MYO16: variants seen among roughly 807,000 people sequenced by gnomAD.
MYO16 encodes the protein unconventional myosin-XVI.
A neutral mutation model predicts 205.3 loss-of-function variants in MYO16; 94 were observed. The observed-to-expected ratio is 0.46, with a 90% CI of 0.39 to 0.54. MYO16 has a LOEUF of 0.54. Ranked by LOEUF, MYO16 falls within the 20% of genes least tolerant of loss-of-function variation. MYO16 has a pLI of 0.00. For missense variants in MYO16, 2,315 were observed against 2,387.5 expected (o/e 0.97, Z 0.63); for synonymous variants, 988 against 954.0 (o/e 1.04, Z -0.66).
chr13:108,572,838 G>GT, the MYO16 span, among the ~76,000 whole-genome samples: 1,554 of 152,256 alleles, frequency 0.01, 17 homozygotes, highest in African/African-American at 0.032. Context: ...TTGTTAACAA[G>GT]TTTTTGCTGT....
Position 108,652,741 on chromosome 13 carries a change from G to C in MYO16, c.29-13145G>C, listed in dbSNP as rs527937263. 3.3e-5 allele frequency among the ~76,000 whole-genome samples: 5 copies of C among 152,274 alleles called. No homozygotes were observed. The East Asian group carries it at 9.6e-4, about 29-fold the overall frequency. On this transcript the variant is annotated intron_variant, in intron 1 of 34. Coordinates refer to ENST00000457511, the MANE Select transcript of MYO16 (RefSeq NM_001198950.3). Reference sequence around the variant, plus strand: ...GGCATGTACAAGAACCTCTTCCACTGTAGGCTGAATAATATTCCATTATAC... The same window carrying C: ...GGCATGTACAAGAACCTCTTCCACTCTAGGCTGAATAATATTCCATTATAC...
chr13:108,793,385 T>A, intron 5 of MYO16, 131 bp from the exon 6 acceptor site: 1 of 724,600 alleles, frequency 1.4e-6, no homozygotes, highest in African/African-American at 1.9e-5. Flanking sequence ...ATTCTTTGAA[T>A]GAGTGTTCAA....
chr13:108,572,569 G>A, the MYO16 span, among the ~76,000 whole-genome samples: 2 of 152,158 alleles, frequency 1.3e-5, no homozygotes, highest in East Asian at 3.9e-4. Context: ...TCACAGTCTA[G>A]GAAGACAGTG....
intron 2 of MYO16, among the ~76,000 whole-genome samples, chr13:108,707,253 T>A (rs1030280818): frequency 6.6e-6 from 1 of 152,140 alleles, no homozygotes; most frequent in Non-Finnish European, 1.5e-5. Flanking sequence ...TGGCTGTCTA[T>A]GCTTCTCAGT....
intron 14 of MYO16, among the ~76,000 whole-genome samples, chr13:108,896,052 CCTT>C (rs1433687521): frequency 3.9e-5 from 6 of 152,082 alleles, no homozygotes; most frequent in Admixed American, 3.9e-4. Context: ...GGGGGTAGCT[CCTT>C]CTCACTCCCA....
At chr13:108,703,960 G>A (rs895241811) in intron 2 of MYO16, among the ~76,000 whole-genome samples, 1 of 152,140 alleles carries the variant, frequency 6.6e-6, no homozygotes, top group Admixed American at 6.5e-5. Context: ...GGTGTTTTAA[G>A]AAGAACAAGT....
intron 9 of MYO16, among the ~76,000 whole-genome samples, chr13:108,833,074 C>T (rs1477312265): frequency 6.6e-6 from 1 of 152,034 alleles, no homozygotes; most frequent in Admixed American, 6.6e-5. Context: ...CTAAATTATA[C>T]TTAATTTCCA....
the MYO16 span, among the ~76,000 whole-genome samples, chr13:108,524,369 C>T: frequency 6.6e-6 from 1 of 152,008 alleles, no homozygotes; most frequent in African/African-American, 2.4e-5. Flanking sequence ...CCCTGACTCT[C>T]TCCCTCTCTC....
Position 109,206,953 on chromosome 13 carries a change from A to G in MYO16, c.*117A>G. On this transcript the variant is annotated 3_prime_UTR_variant, in exon 35 of 35. Coordinates refer to ENST00000457511, the MANE Select transcript of MYO16 (RefSeq NM_001198950.3). ...TCTCTCCACGCATTTAGACAAAAAA[A>G]GCACAGGACACAGACACTAAATATA... The G allele has an allele frequency of 2.5e-6, 2 of 802,970 alleles. No homozygotes were observed. Among genetic ancestry groups the G allele is most frequent in the South Asian group, 3.5e-5 (2 of 57,120 alleles). 49.7% of individuals were successfully genotyped at this position (802,970 alleles called of 1,614,324 possible).
chr13:108,745,135 A>C (rs1340497427), intron 4 of MYO16, among the ~76,000 whole-genome samples: 2 of 152,230 alleles, frequency 1.3e-5, no homozygotes, highest in African/African-American at 4.8e-5. Context: ...GACCTATCAG[A>C]GAACTAAGTT....
intron 7 of MYO16, among the ~76,000 whole-genome samples, chr13:108,817,979 T>C (rs562073042): frequency 2.3e-4 from 35 of 152,294 alleles, no homozygotes; most frequent in Admixed American, 2.2e-3. Flanking sequence ...TGGTGGTAAT[T>C]TTCACTTGAT....
At position 108,888,469 on chromosome 13, in the gene MYO16, T is replaced by C. The variant is rs756721291; in HGVS notation, c.1651T>C (p.Phe551Leu). 4.4e-6 allele frequency: 7 copies of C among 1,594,444 alleles called. No individual in the cohort carries two copies. In the East Asian group the frequency reaches 1.6e-4, roughly 36 times the overall value. ...GASRATLDSR[F>L]KHVVCILEAF... is the part of the protein sequence containing the mutation. Reference sequence around the variant, plus strand: ...CAGCAGGGCCACACTGGATTCCAGATTCAAACATGTAAGTTTTTTGTTTGG... The same window carrying C: ...CAGCAGGGCCACACTGGATTCCAGACTCAAACATGTAAGTTTTTTGTTTGG... The change falls in exon 14 of 35, where the codon TTC becomes CTC. Residue 551 changes from phenylalanine (F) to leucine (L), a missense_variant. Physicochemically the swap from Phe to Leu is conservative, Grantham distance 22 (BLOSUM62 0). Transcript: ENST00000457511.
chr13:108,670,535 T>G (rs1298222641), intron 2 of MYO16, among the ~76,000 whole-genome samples: 1 of 151,880 alleles, frequency 6.6e-6, no homozygotes, highest in East Asian at 1.9e-4. Context: ...GAAAATGAAC[T>G]GAAAGTAAAG....
At chr13:108,736,403 C>T (rs1884700737) in intron 4 of MYO16, among the ~76,000 whole-genome samples, 1 of 152,110 alleles carries the variant, frequency 6.6e-6, no homozygotes, top group Non-Finnish European at 1.5e-5. Flanking sequence ...AATAGGGAAT[C>T]CTTTCCCCAT....
intron 33 of MYO16, among the ~76,000 whole-genome samples, chr13:109,171,062 A>G (rs1878904125): frequency 6.6e-6 from 1 of 152,184 alleles, no homozygotes; most frequent in South Asian, 2.1e-4. Context: ...AGCGCCATGA[A>G]TTTCTGGGGG....
the MYO16 span, among the ~76,000 whole-genome samples, chr13:108,552,718 G>A: frequency 6.6e-6 from 1 of 152,086 alleles, no homozygotes; most frequent in African/African-American, 2.4e-5. Flanking sequence ...TGTTATATCT[G>A]TCTCAGTCTG....
At chr13:109,157,010 A>AC (rs1287207493) in intron 32 of MYO16, among the ~76,000 whole-genome samples, 1 of 152,114 alleles carries the variant, frequency 6.6e-6, no homozygotes, top group Non-Finnish European at 1.5e-5. Context: ...GTCAACAAGT[A>AC]CAACCCCAGA....
At chr13:108,802,222 G>A (rs1029536784) in intron 6 of MYO16, among the ~76,000 whole-genome samples, 16 of 151,886 alleles carry the variant, frequency 1.1e-4, no homozygotes, top group Admixed American at 2.6e-4. Context: ...CGAACCCTTC[G>A]ACCAACAACT....
chr13:108,640,440 C>T (rs1205382587), intron 1 of MYO16, among the ~76,000 whole-genome samples: 1 of 152,110 alleles, frequency 6.6e-6, no homozygotes, highest in Non-Finnish European at 1.5e-5. Flanking sequence ...CACATATGAG[C>T]TTTGGCTACT....
Sources: allele counts gnomAD v4.1 joint callset (sites outside exome capture counted in the v4.1 genomes callset), GRCh38; gene constraint gnomAD v4.1.1; transcripts MANE v1.5; gene names NCBI Gene and HGNC (gene_info 2026-07-23, HGNC 2026-07-21).